ANOS1: variants seen among roughly 807,000 people sequenced by gnomAD.
ANOS1 encodes the protein anosmin 1.
A neutral mutation model predicts 59.0 loss-of-function variants in ANOS1; 6 were observed. The ratio of observed to expected loss-of-function variants is 0.10; its 90% CI spans 0.06 to 0.20. The LOEUF is 0.20. Among genes scored for constraint, ANOS1 ranks in the 10% least tolerant of loss-of-function variants. ANOS1 has a pLI of 1.00. For missense variants in ANOS1, 433 were observed against 542.3 expected, an observed-to-expected ratio of 0.80 and a Z score of 2.00; for synonymous variants, 217 against 223.4, an observed-to-expected ratio of 0.97 and a Z score of 0.25.
Position 8,532,824 on chromosome X carries a change from C to G in ANOS1, c.*171G>C. 2.3e-6 allele frequency: 1 copy of G among 437,482 alleles called. No homozygotes were observed. The highest frequency in any genetic ancestry group is 4.1e-6 in the Non-Finnish European group (1 of 245,457). The allele number at this position is 437,482 out of a possible 1,213,427, so 36.1% of individuals were successfully genotyped here. On this transcript the variant is annotated 3_prime_UTR_variant, in exon 14 of 14. Transcript: ENST00000262648. ...GTCTTCACCAATCTACTGTTTCTCA[C>G]TTGTCTCCAGATGCGTCCATGATTG... is the stretch of plus-strand genomic sequence containing the variant.
chrX:8,596,921 A>G, intron 4 of ANOS1, 113 bp downstream of exon 4: 1 of 1,116,651 alleles, frequency 9.0e-7, no homozygotes, highest in Non-Finnish European at 1.2e-6. Flanking sequence ...TAAATTTTCT[A>G]AAGATTTTAT....
intron 8 of ANOS1, among the ~76,000 whole-genome samples, chrX:8,556,767 G>C (rs969196627): frequency 2.7e-5 from 3 of 111,889 alleles, no homozygotes; most frequent in Non-Finnish European, 3.8e-5. Context: ...GTAATTTATA[G>C]ATTCAATGCT....
intron 2 of ANOS1, among the ~76,000 whole-genome samples, chrX:8,662,746 G>A (rs1031723473): frequency 1.8e-5 from 2 of 112,540 alleles, no homozygotes; most frequent in East Asian, 2.8e-4. Flanking sequence ...AGAAGGCCAG[G>A]TGCCGTGGCT....
intron 2 of ANOS1, among the ~76,000 whole-genome samples, chrX:8,642,365 T>C (rs754921452): frequency 1.2e-3 from 127 of 107,250 alleles, no homozygotes; most frequent in African/African-American, 4.1e-3. Context: ...ACTGAAGGAA[T>C]TGGAGGGAAA....
intron 5 of ANOS1, among the ~76,000 whole-genome samples, 168 bp downstream of exon 5, chrX:8,587,626 A>C (rs924192220): frequency 1.8e-5 from 2 of 111,857 alleles, no homozygotes; most frequent in African/African-American, 6.5e-5. Context: ...GTTTGTATCT[A>C]TGAACCTCAT....
chrX:8,564,110 C>T (rs1022686288), intron 8 of ANOS1, among the ~76,000 whole-genome samples: 1 of 111,242 alleles, frequency 9.0e-6, no homozygotes, highest in African/African-American at 3.3e-5. Flanking sequence ...GTCCAAGAGC[C>T]GGATGGAGGC....
At chrX:8,679,513 T>C (rs748350285) in intron 2 of ANOS1, among the ~76,000 whole-genome samples, 2 of 105,901 alleles carry the variant, frequency 1.9e-5, no homozygotes, top group Non-Finnish European at 3.9e-5. Flanking sequence ...AAATTATTTA[T>C]GCTTATAATA....
chrX:8,577,547 G>T (rs779465003), intron 6 of ANOS1, among the ~76,000 whole-genome samples: 1 of 112,631 alleles, frequency 8.9e-6, no homozygotes, highest in East Asian at 2.8e-4. Flanking sequence ...TACAATTAGT[G>T]TGATTACCAA....
intron 3 of ANOS1, among the ~76,000 whole-genome samples, 157 bp downstream of exon 3, chrX:8,623,451 A>G (rs1931332475): frequency 9.0e-6 from 1 of 110,858 alleles, no homozygotes; most frequent in African/African-American, 3.3e-5. Flanking sequence ...AGAAGGCTCT[A>G]TATTTTTTAC....
At chrX:8,709,929 T>C (rs935636819) in intron 1 of ANOS1, among the ~76,000 whole-genome samples, 3 of 111,096 alleles carry the variant, frequency 2.7e-5, no homozygotes, top group African/African-American at 9.8e-5. Context: ...TGTTATCTTA[T>C]AATTTTTTTT....
intron 3 of ANOS1, among the ~76,000 whole-genome samples, chrX:8,606,843 T>A (rs1449181852): frequency 8.9e-6 from 1 of 112,920 alleles, no homozygotes; most frequent in Non-Finnish European, 1.9e-5. Context: ...CTTGGCTGGG[T>A]GTGGTGGCTC....
intron 7 of ANOS1, among the ~76,000 whole-genome samples, chrX:8,570,251 T>C (rs1169285730): frequency 9.0e-6 from 1 of 111,292 alleles, no homozygotes; most frequent in African/African-American, 3.3e-5. Flanking sequence ...ATTTCCAGAG[T>C]TCTGACTGAC....
At chrX:8,694,665 T>C (rs1042179762) in intron 2 of ANOS1, among the ~76,000 whole-genome samples, 1 of 111,934 alleles carries the variant, frequency 8.9e-6, no homozygotes, top group Admixed American at 9.5e-5. Context: ...CGAAATTCCA[T>C]CTCAAATAAA....
chrX:8,730,944 G>A (rs375608568), intron 1 of ANOS1, among the ~76,000 whole-genome samples: 15 of 112,329 alleles, frequency 1.3e-4, no homozygotes, highest in African/African-American at 4.5e-4. Context: ...GTCCCGCGGG[G>A]GTCCGCGCCA....
At chrX:8,685,091 C>G (rs930738953) in intron 2 of ANOS1, among the ~76,000 whole-genome samples, 14 of 111,257 alleles carry the variant, frequency 1.3e-4, no homozygotes, top group Non-Finnish European at 1.9e-4. Flanking sequence ...GAATTTGACA[C>G]AGAATTAGTC....
chrX:8,703,339 C>G (rs1250431009), intron 1 of ANOS1, among the ~76,000 whole-genome samples: 1 of 112,211 alleles, frequency 8.9e-6, no homozygotes, highest in Non-Finnish European at 1.9e-5. Context: ...GGCACAGAAA[C>G]TGTTGTCAAC....
At chrX:8,708,770 C>T (rs768276991) in intron 1 of ANOS1, among the ~76,000 whole-genome samples, 62 of 111,962 alleles carry the variant, frequency 5.5e-4, no homozygotes, top group Non-Finnish European at 9.8e-4. Flanking sequence ...TGGGTATATA[C>T]CCAAAGGAAT....
chrX:8,569,853 T>A (rs1930195679), intron 7 of ANOS1, among the ~76,000 whole-genome samples: 1 of 111,970 alleles, frequency 8.9e-6, no homozygotes. Flanking sequence ...AAGGAATGTA[T>A]ACTAAAAGGA....
chrX:8,649,919 T>G (rs1602003556), intron 2 of ANOS1, among the ~76,000 whole-genome samples: 3 of 112,624 alleles, frequency 2.7e-5, no homozygotes, highest in South Asian at 7.3e-4. Flanking sequence ...GGAAATGTGT[T>G]CACATGCAAA....
Sources: allele counts gnomAD v4.1 joint callset (sites outside exome capture counted in the v4.1 genomes callset), GRCh38; gene constraint gnomAD v4.1.1; transcripts MANE v1.5; gene names NCBI Gene and HGNC (gene_info 2026-07-23, HGNC 2026-07-21).